SLC14A2: variants seen among roughly 807,000 people sequenced by gnomAD.
SLC14A2 encodes the protein urea transporter 2.
A neutral mutation model predicts 104.6 loss-of-function variants in SLC14A2; 91 were observed. That is an observed-to-expected ratio of 0.87 (90% confidence interval 0.73 to 1.04). The LOEUF is 1.04. Ranked by LOEUF, SLC14A2 falls within the 50% of genes least tolerant of loss-of-function variation. SLC14A2 has a pLI of 0.00. For missense variants in SLC14A2, 1,189 were observed against 1,156.0 expected (o/e 1.03, Z -0.41); for synonymous variants, 476 against 466.4 (o/e 1.02, Z -0.27).
intron 1 of SLC14A2, among the ~76,000 whole-genome samples, chr18:45,451,514 G>T (rs528044057): frequency 2.0e-5 from 3 of 151,988 alleles, no homozygotes; most frequent in African/African-American, 7.2e-5. Context: ...GTAGGATTTT[G>T]TTTATTTAAA....
chr18:45,383,329 C>T (rs770814162), intron 1 of SLC14A2, among the ~76,000 whole-genome samples: 5 of 152,168 alleles, frequency 3.3e-5, no homozygotes, highest in African/African-American at 9.7e-5. Context: ...AGCTCAGCTC[C>T]AGGTGGGAAA....
chr18:45,233,127 T>C (rs908103938), intron 1 of SLC14A2, among the ~76,000 whole-genome samples: 1 of 152,188 alleles, frequency 6.6e-6, no homozygotes, highest in Non-Finnish European at 1.5e-5. Context: ...ACATTGTGAA[T>C]GGTTCAACAA....
At position 45,542,035 on chromosome 18, in the gene SLC14A2, G is replaced by GTTTTTTTTTTTTTTTTTTTTTT. The variant is rs60977948; in HGVS notation, c.-35+58729_-35+58750dup. On this transcript the variant is annotated intron_variant, in intron 2 of 20. Coordinates refer to the SLC14A2 transcript ENST00000586448. ...GGGCTTGTTAGATGAAAGAGAGAGG[G>GTTTTTTTTTTTTTTTTTTTTTT]TTTTTTTTTTTTTTTTTTTTTTTTT... Among the ~76,000 whole-genome samples the GTTTTTTTTTTTTTTTTTTTTTT allele has an allele frequency of 1.3e-4, 7 of 54,234 alleles. 1 individual carries two copies. Among genetic ancestry groups the GTTTTTTTTTTTTTTTTTTTTTT allele is most frequent in the Non-Finnish European group, 2.6e-4 (7 of 27,022 alleles). The allele number at this position is 54,234 out of a possible 152,430, so 35.6% of individuals were successfully genotyped here.
chr18:45,534,857 A>T (rs1353012994), intron 2 of SLC14A2, among the ~76,000 whole-genome samples: 1 of 152,248 alleles, frequency 6.6e-6, no homozygotes, highest in Non-Finnish European at 1.5e-5. Context: ...TTTCAGCCCT[A>T]TGTGCCATTG....
At chr18:45,493,083 T>C (rs2043030785) in intron 2 of SLC14A2, 1 of 152,268 alleles carries the variant, frequency 6.6e-6, no homozygotes, top group Non-Finnish European at 1.5e-5. Flanking sequence ...ACCCAGATTT[T>C]AACTTTCCAA....
At chr18:45,236,159 A>G (rs867873576) in intron 1 of SLC14A2, among the ~76,000 whole-genome samples, 1 of 56,242 alleles carries the variant, frequency 1.8e-5, no homozygotes, top group Non-Finnish European at 3.1e-5. Context: ...ATATGTGTGT[A>G]TATATGTGTA....
intron 11 of SLC14A2, among the ~76,000 whole-genome samples, chr18:45,665,425 C>T (rs758236599): frequency 6.6e-6 from 1 of 152,166 alleles, no homozygotes; most frequent in Non-Finnish European, 1.5e-5. Flanking sequence ...TTTAGATCCA[C>T]ATTGCAAGAG....
intron 2 of SLC14A2, among the ~76,000 whole-genome samples, chr18:45,581,392 G>C (rs151046362): frequency 6.6e-6 from 1 of 152,196 alleles, no homozygotes; most frequent in African/African-American, 2.4e-5. Context: ...GAGAGAGGCC[G>C]TGGAGCCAGG....
At chr18:45,247,159 A>C (rs552986828) in intron 1 of SLC14A2, among the ~76,000 whole-genome samples, 3 of 152,334 alleles carry the variant, frequency 2.0e-5, no homozygotes, top group Admixed American at 6.5e-5. Flanking sequence ...CTGTATTCAA[A>C]CACAAGGTAA....
intron 13 of SLC14A2, 63 bp downstream of exon 13, chr18:45,667,157 G>A: frequency 7.2e-7 from 1 of 1,397,474 alleles, no homozygotes; most frequent in East Asian, 2.3e-5. Context: ...CCATCCCCAG[G>A]AAACCCATTG....
At chr18:45,653,322 T>C (rs1384348203) in intron 10 of SLC14A2, among the ~76,000 whole-genome samples, 1 of 152,038 alleles carries the variant, frequency 6.6e-6, no homozygotes, top group Non-Finnish European at 1.5e-5. Context: ...GGACCCCTCT[T>C]CAACAGTTCC....
intron 1 of SLC14A2, among the ~76,000 whole-genome samples, chr18:45,351,724 T>A (rs6507609): frequency 0.47 from 71,915 of 152,016 alleles, 20,706 homozygotes; most frequent in African/African-American, 0.82. Context: ...AAAAGTATAG[T>A]AAAGAGGCAG....
rs542038030 is a variant in SLC14A2, at chr18:45,240,795, T to C, written c.-125+27604T>C. 2.3e-4 allele frequency among the ~76,000 whole-genome samples: 35 copies of C among 151,922 alleles called. No homozygotes were observed. The East Asian group carries it at 3.7e-3, about 16-fold the overall frequency. On this transcript the variant is annotated intron_variant, in intron 1 of 20. Coordinates refer to the SLC14A2 transcript ENST00000586448. ...GCCTCAGCCTGCCGAGTAGCTGAGATGACAGGTGCCCGCCACTATGCCCGG... is the reference window on the plus strand; with the variant it reads ...GCCTCAGCCTGCCGAGTAGCTGAGACGACAGGTGCCCGCCACTATGCCCGG...
chr18:45,672,243 A>C (rs2046152129), intron 16 of SLC14A2, among the ~76,000 whole-genome samples: 1 of 152,168 alleles, frequency 6.6e-6, no homozygotes, highest in Non-Finnish European at 1.5e-5. Context: ...TTAAAAAAAA[A>C]TCATGGCCAG....
intron 1 of SLC14A2, among the ~76,000 whole-genome samples, chr18:45,400,899 C>A (rs1005850731): frequency 6.6e-6 from 1 of 152,302 alleles, no homozygotes; most frequent in East Asian, 1.9e-4. Context: ...AGAAGGAGCC[C>A]CTTCGAACTT....
chr18:45,374,009 A>C (rs1356177506), intron 1 of SLC14A2, among the ~76,000 whole-genome samples: 1 of 152,206 alleles, frequency 6.6e-6, no homozygotes, highest in African/African-American at 2.4e-5. Context: ...GAGCAAAACT[A>C]TCTCTATTTC....
chr18:45,216,636 G>A (rs1229724075), intron 1 of SLC14A2, among the ~76,000 whole-genome samples: 1 of 152,062 alleles, frequency 6.6e-6, no homozygotes, highest in Non-Finnish European at 1.5e-5. Flanking sequence ...TCACAGTACC[G>A]CTGCATGCAA....
chr18:45,173,395 G>A, the SLC14A2 span, among the ~76,000 whole-genome samples: 2 of 151,850 alleles, frequency 1.3e-5, no homozygotes, highest in African/African-American at 4.8e-5. Flanking sequence ...TGTAATCACG[G>A]TTTTCCTTTC....
chr18:45,525,474 T>C (rs1365358655), intron 2 of SLC14A2, among the ~76,000 whole-genome samples: 3 of 152,236 alleles, frequency 2.0e-5, no homozygotes. Flanking sequence ...AGCTTAGATA[T>C]GCCTTGGCTC....
Sources: gnomAD v4.1 joint callset for allele counts (sites outside exome capture counted in the v4.1 genomes callset) on GRCh38, gnomAD v4.1.1 for gene constraint, MANE v1.5 for transcripts, NCBI Gene and HGNC (gene_info 2026-07-23, HGNC 2026-07-21) for gene names.